PGR: variants seen among roughly 807,000 people sequenced by gnomAD.
The protein encoded by PGR is progesterone receptor, also known as nuclear receptor subfamily 3 group C member 3.
A neutral mutation model predicts 76.1 loss-of-function variants in PGR; 25 were observed. The ratio of observed to expected loss-of-function variants is 0.33; its 90% CI spans 0.24 to 0.46. The LOEUF (loss-of-function observed/expected upper bound fraction) is 0.46. PGR is among the 20% of genes least tolerant of loss of function. The probability of loss-of-function intolerance (pLI) is 1.00; values close to 1 mark genes in which losing one functional copy is unlikely to be tolerated. For synonymous variants in PGR, 579 were observed against 535.0 expected (o/e 1.08, Z -1.14); for missense variants, 1,172 against 1,225.3 (o/e 0.96, Z 0.65).
Position 101,112,151 on chromosome 11 carries a change from G to A in PGR, c.1789+13856C>T, listed in dbSNP as rs907379728. Among the ~76,000 whole-genome samples, 5 of 152,168 alleles carry A rather than the reference G, an allele frequency of 3.3e-5. No homozygotes were observed. The South Asian group carries it at 1.0e-3, about 32-fold the overall frequency. On this transcript the variant is annotated intron_variant, in intron 2 of 7. Coordinates refer to ENST00000325455, the MANE Select transcript of PGR (RefSeq NM_000926.4). ...AGAGAAGTTTTGGTGGAGTGACAGAGGTCAACAACTGATTGGGTTAGGTTT... is the reference window on the plus strand; with the variant it reads ...AGAGAAGTTTTGGTGGAGTGACAGAAGTCAACAACTGATTGGGTTAGGTTT...
intron 3 of PGR, among the ~76,000 whole-genome samples, chr11:101,085,703 C>T (rs1332691411): frequency 1.3e-5 from 2 of 151,676 alleles, no homozygotes; most frequent in African/African-American, 2.4e-5. Flanking sequence ...CTGCTAGCTA[C>T]ATTAACAAAG....
At chr11:101,092,394 A>G (rs7113269) in intron 2 of PGR, among the ~76,000 whole-genome samples, 2,922 of 152,354 alleles carry the variant, frequency 0.019, 72 homozygotes, top group African/African-American at 0.054. Flanking sequence ...TAAGGAATCA[A>G]TGGAAGAGCA....
chr11:101,128,652 C>A lies in PGR; in HGVS notation c.419G>T (p.Trp140Leu). ...SPPACEVTSSWCLFGPELPED... is the reference protein window; with the variant it reads ...SPPACEVTSSLCLFGPELPED... The stretch of plus-strand genomic sequence containing the variant: ...GGGAAGTTCGGGGCCAAACAGGCAC[C>A]AAGAGCTGGTGACCTCGCAGGCGGG... Residue 140 changes from tryptophan (W) to leucine (L), a missense_variant, in exon 1 of 8, where the codon TGG becomes TTG. By Grantham distance (61) the Trp-to-Leu change is moderately conservative (BLOSUM62 -2). Around this residue, in one of 4 missense-constraint regions of PGR, gnomAD observed 893 missense variants for 785.9 expected, o/e 1.14. Transcript: ENST00000325455. 6.3e-7 allele frequency: 1 copy of A among 1,592,274 alleles called. No homozygotes were observed. The highest frequency in any genetic ancestry group is 8.5e-7 in the Non-Finnish European group (1 of 1,170,592).
intron 3 of PGR, among the ~76,000 whole-genome samples, chr11:101,087,682 C>T (rs1306194892): frequency 2.0e-5 from 3 of 151,698 alleles, no homozygotes; most frequent in Non-Finnish European, 2.9e-5. Context: ...CAAACTATGC[C>T]TCCAACAAAT....
chr11:101,126,426 C>A (rs1282045322), intron 1 of PGR, among the ~76,000 whole-genome samples: 1 of 152,070 alleles, frequency 6.6e-6, no homozygotes, highest in Non-Finnish European at 1.5e-5. Flanking sequence ...AAGTTAAAGT[C>A]GGTTAAAAGG....
rs541711160 is a variant in PGR at position 101,051,015 on chromosome 11, A to C, written c.2357+409T>G. ...ATTAATTAAAATTATTTAAATATAA[A>C]GCAAATTGAAATATTTATCTTTCAA... On this transcript the variant is annotated intron_variant, in intron 5 of 7. Coordinates refer to ENST00000325455, the MANE Select transcript of PGR (RefSeq NM_000926.4). The C allele has an allele frequency of 2.4e-5, 5 of 210,592 alleles. No individual in the cohort carries two copies. In the South Asian group the frequency reaches 3.1e-4, roughly 13 times the overall value. The allele number at this position is 210,592 out of a possible 1,614,324, so 13.0% of individuals were successfully genotyped here. A position where few individuals can be genotyped will look rare whatever the true frequency, so the allele number is the denominator to read the frequency against.
intron 4 of PGR, among the ~76,000 whole-genome samples, chr11:101,056,153 T>C (rs536449969): frequency 6.6e-6 from 1 of 152,208 alleles, no homozygotes; most frequent in African/African-American, 2.4e-5. Flanking sequence ...CAGGTAAACT[T>C]AGTACATTTG....
chr11:101,039,699 C>T (rs975095425), intron 7 of PGR, among the ~76,000 whole-genome samples: 2 of 151,898 alleles, frequency 1.3e-5, no homozygotes, highest in African/African-American at 2.4e-5. Context: ...AATCCAACAT[C>T]GTTTAATTTT....
At chr11:101,059,545 T>TA (rs1229241866) in intron 4 of PGR, among the ~76,000 whole-genome samples, 1 of 151,828 alleles carries the variant, frequency 6.6e-6, no homozygotes, top group Non-Finnish European at 1.5e-5. Context: ...TCTATTAAAG[T>TA]AAAAGGGGTG....
chr11:101,127,795 G>C lies in PGR; in HGVS notation c.1276C>G (p.Pro426Ala). The stretch of plus-strand genomic sequence containing the variant: ...GGTCTGGATGGGGTCGCTCGCGGCG[G>C]CAGCGGGGGCGGTGGCCCCAACGGG... Reference protein sequence around the residue: ...DFPLGPPPPLPPRATPSRPGE... With the variant: ...DFPLGPPPPLAPRATPSRPGE... The change falls in exon 1 of 8, where the codon CCG becomes GCG. Residue 426 changes from proline to alanine, a missense_variant. Transcript: ENST00000325455. 6.4e-7 allele frequency: 1 copy of C among 1,565,278 alleles called. No homozygotes were observed.
rs1441549737 is a variant in PGR, at chr11:101,129,794, A to G, written c.-724T>C. ...CACAAATACAACAAGGCTTACCCCG[A>G]TTAGTGACAGCTGTGGACTGGCCAG... is the stretch of plus-strand genomic sequence containing the variant. On this transcript the variant is annotated 5_prime_UTR_variant, in exon 1 of 8. Transcript: ENST00000325455. The G allele has an allele frequency of 1.7e-5, 3 of 177,132 alleles. No homozygotes were observed. The highest frequency in any genetic ancestry group is 7.1e-5 in the African/African-American group (3 of 42,240). The allele number at this position is 177,132 out of a possible 1,614,324, so 11.0% of individuals were successfully genotyped here. A position where few individuals can be genotyped will look rare whatever the true frequency, so the allele number is the denominator to read the frequency against.
At chr11:101,106,446 G>T (rs1416776874) in intron 2 of PGR, among the ~76,000 whole-genome samples, 1 of 152,154 alleles carries the variant, frequency 6.6e-6, no homozygotes, top group Non-Finnish European at 1.5e-5. Context: ...CATTTATGCA[G>T]CCGACAGACA....
At chr11:101,056,243 A>AC (rs539527701) in intron 4 of PGR, among the ~76,000 whole-genome samples, 11 of 14,004 alleles carry the variant, frequency 7.9e-4, no homozygotes, top group African/African-American at 1.3e-3. Context: ...TAAAAAAAAA[A>AC]ACACTTTTCC....
chr11:101,050,173 T>C lies in PGR; in HGVS notation c.2358-114A>G, dbSNP rs1033116338. On this transcript the variant is annotated intron_variant, in intron 5 of 7. Coordinates refer to ENST00000325455, the MANE Select transcript of PGR (RefSeq NM_000926.4). The stretch of plus-strand genomic sequence containing the variant: ...TTTTGGTAATTACCTTACATATTAT[T>C]GAAAATGACTACTACTTTTAATAAA... 11 of 989,826 alleles carry C rather than the reference T, an allele frequency of 1.1e-5. No homozygotes were observed. The African/African-American group carries it at 1.1e-4, about 10-fold the overall frequency. 61.3% of individuals were successfully genotyped at this position (989,826 alleles called of 1,614,324 possible). A position where few individuals can be genotyped will look rare whatever the true frequency, so the allele number is the denominator to read the frequency against.
At chr11:101,125,965 A>G in intron 2 of PGR, 42 bp downstream of exon 2, 1 of 1,562,104 alleles carries the variant, frequency 6.4e-7, no homozygotes, top group Non-Finnish European at 8.8e-7. Context: ...GTCTCCATTT[A>G]CAATTAAACC....
At chr11:101,092,803 C>T (rs1404317741) in intron 2 of PGR, among the ~76,000 whole-genome samples, 1 of 152,038 alleles carries the variant, frequency 6.6e-6, no homozygotes. Flanking sequence ...TTAAAACAGA[C>T]TGTGAGTCTT....
rs1360936318 is a variant in PGR, at chr11:101,128,012, G to T, written c.1059C>A (p.Val353=). The change falls in exon 1 of 8, where the codon GTC becomes GTA. Residue 353 remains valine (V), a synonymous_variant. Transcript: ENST00000325455. ...RSSPCASSTP[V]AVGDFPDCAY... Reference sequence around the variant, plus strand: ...CGCAGTCGGGGAAGTCGCCTACAGCGACCGGGGTGGACGAGGCACAGGGTG... The same window carrying T: ...CGCAGTCGGGGAAGTCGCCTACAGCTACCGGGGTGGACGAGGCACAGGGTG... 3 of 1,609,702 alleles carry T rather than the reference G, an allele frequency of 1.9e-6. No individual in the cohort carries two copies. The highest frequency in any genetic ancestry group is 1.3e-5 in the African/African-American group (1 of 74,920).
At chr11:101,121,559 GTCTAT>G in intron 2 of PGR, among the ~76,000 whole-genome samples, 1 of 152,310 alleles carries the variant, frequency 6.6e-6, no homozygotes, top group East Asian at 1.9e-4. Flanking sequence ...TTCCTCTGCA[GTCTAT>G]TTATTGTGAT....
At chr11:101,095,204 T>C (rs1217486077) in intron 2 of PGR, among the ~76,000 whole-genome samples, 1 of 152,230 alleles carries the variant, frequency 6.6e-6, no homozygotes, top group Non-Finnish European at 1.5e-5. Flanking sequence ...AAAACTCTCA[T>C]TCATTCAACA....
Sources: gnomAD v4.1 joint callset for allele counts (sites outside exome capture counted in the v4.1 genomes callset) on GRCh38, gnomAD v4.1.1 for gene constraint, gnomAD v4.1.1 regional missense constraint, MANE v1.5 for transcripts, NCBI Gene and HGNC (gene_info 2026-07-23, HGNC 2026-07-21) for gene names.